The following PBRM1 variants were observed in gnomAD, a reference collection of about 807,000 sequenced individuals.
PBRM1 encodes the protein polybromo 1.
Under a neutral mutation model 194.5 loss-of-function variants are expected in PBRM1, and 27 were observed. That is an observed-to-expected ratio of 0.14 (90% CI 0.10 to 0.19). The LOEUF (loss-of-function observed/expected upper bound fraction) is 0.19. Ranked by LOEUF, PBRM1 falls within the 10% of genes least tolerant of loss-of-function variation. The pLI is 1.00. For missense variants in PBRM1, 1,466 were observed against 2,077.2 expected, an observed-to-expected ratio of 0.71 and a Z score of 5.72; for synonymous variants, 655 against 693.2, an observed-to-expected ratio of 0.94 and a Z score of 0.87.
chr3:52,685,872 C>A, upstream of PBRM1: 3 of 537,742 alleles, frequency 5.6e-6, no homozygotes, highest in South Asian at 6.7e-5. Context: ...CGGCACCCGC[C>A]GCCCTCACCT....
At chr3:52,556,928 GTT>G (rs199532939) in intron 26 of PBRM1, among the ~76,000 whole-genome samples, 11 of 138,052 alleles carry the variant, frequency 8.0e-5, no homozygotes, top group African/African-American at 2.1e-4. Flanking sequence ...TGCAGCTGCT[GTT>G]TTTTTTTTTT....
At chr3:52,626,227 AAG>A (rs1219419666) in intron 13 of PBRM1, among the ~76,000 whole-genome samples, 1 of 152,216 alleles carries the variant, frequency 6.6e-6, no homozygotes, top group Admixed American at 6.5e-5. Context: ...ACAAGGAATT[AAG>A]AACTTGGAAG....
chr3:52,665,370 C>A (rs1009950506), intron 3 of PBRM1, among the ~76,000 whole-genome samples: 1 of 151,780 alleles, frequency 6.6e-6, no homozygotes, highest in African/African-American at 2.4e-5. Flanking sequence ...TAGTACACTG[C>A]CTAGGCTGGT....
In PBRM1 at chr3:52,644,697, A is replaced by C; in HGVS notation, c.899+7T>G. The C allele has an allele frequency of 6.9e-7, 1 of 1,456,280 alleles. No individual in the cohort carries two copies. Among genetic ancestry groups the C allele is most frequent in the Non-Finnish European group, 9.6e-7 (1 of 1,042,836 alleles). The allele number at this position is 1,456,280 out of a possible 1,614,324, so 90.2% of individuals were successfully genotyped here. A position where few individuals can be genotyped will look rare whatever the true frequency, so the allele number is the denominator to read the frequency against. On this transcript the variant is annotated splice_region_variant and intron_variant, in intron 8 of 29. Transcript: ENST00000296302. The stretch of plus-strand genomic sequence containing the variant: ...CACGCCCAGCCTAGACATTTTCTTA[A>C]ACCTACCTCATTCGAAGACTTGACT...
intron 3 of PBRM1, among the ~76,000 whole-genome samples, chr3:52,662,736 G>C (rs2096750050): frequency 6.6e-6 from 1 of 150,426 alleles, no homozygotes; most frequent in East Asian, 2.0e-4. Flanking sequence ...TGAGGCAGGA[G>C]AATCACTTGA....
At chr3:52,574,789 G>A (rs1238319446) in intron 22 of PBRM1, among the ~76,000 whole-genome samples, 1 of 152,206 alleles carries the variant, frequency 6.6e-6, no homozygotes, top group Non-Finnish European at 1.5e-5. Context: ...AGTGAAGACT[G>A]GGAGTTTTAT....
At chr3:52,633,678 A>ATTG (rs1265179890) in intron 11 of PBRM1, among the ~76,000 whole-genome samples, 1 of 152,196 alleles carries the variant, frequency 6.6e-6, no homozygotes, top group Non-Finnish European at 1.5e-5. Flanking sequence ...AATTATTATT[A>ATTG]TTACTTTTTT....
chr3:52,576,407 C>G, intron 22 of PBRM1, 134 bp downstream of exon 24: 6 of 534,088 alleles, frequency 1.1e-5, no homozygotes, highest in Non-Finnish European at 1.9e-5. Flanking sequence ...AATCTCTGCC[C>G]CAACATAAGA....
At chr3:52,685,913 C>T, upstream of PBRM1, 1 of 654,040 alleles carries the variant, frequency 1.5e-6, no homozygotes, top group South Asian at 1.7e-5. Context: ...GCCGCAAAAC[C>T]AGTCCCGCGG....
At chr3:52,563,745 A>G (rs1323303174) in intron 23 of PBRM1, among the ~76,000 whole-genome samples, 1 of 151,034 alleles carries the variant, frequency 6.6e-6, no homozygotes, top group Non-Finnish European at 1.5e-5. Context: ...GCCTATACAC[A>G]GCAAAAAGAG....
intron 13 of PBRM1, among the ~76,000 whole-genome samples, chr3:52,624,003 T>C (rs781058455): frequency 7.9e-5 from 12 of 152,224 alleles, no homozygotes; most frequent in African/African-American, 1.4e-4. Context: ...CATAGCAATT[T>C]TACTGAGTGG....
chr3:52,650,486 C>G (rs191283981), intron 6 of PBRM1, among the ~76,000 whole-genome samples: 1 of 151,226 alleles, frequency 6.6e-6, no homozygotes, highest in East Asian at 2.0e-4. Flanking sequence ...CTTTACTACT[C>G]TCTTAGAGTT....
chr3:52,595,736 A>T (rs757180138), intron 17 of PBRM1, among the ~76,000 whole-genome samples: 26 of 152,274 alleles, frequency 1.7e-4, no homozygotes, highest in Non-Finnish European at 3.4e-4. Flanking sequence ...TACTCAAGAA[A>T]TTTTTGCCTA....
chr3:52,606,226 C>G (rs1485509134), intron 16 of PBRM1, among the ~76,000 whole-genome samples: 11 of 151,858 alleles, frequency 7.2e-5, no homozygotes, highest in Admixed American at 7.2e-4. Context: ...CCAGACTGGT[C>G]TCAAGCTCCT....
rs562647481 is a variant in PBRM1 at position 52,641,185 on chromosome 3, C to T, written c.1087+769G>A. Among the ~76,000 whole-genome samples the T allele has an allele frequency of 5.7e-4, 87 of 151,680 alleles. 1 individual carries two copies. The highest frequency in any genetic ancestry group is 3.4e-3 in the Middle Eastern group (1 of 292). On this transcript the variant is annotated intron_variant, in intron 10 of 29. Transcript: ENST00000296302. Reference sequence around the variant, plus strand: ...ATTCAATAATAAAATTGAGGCCAGGCGTGGTGTAATCCCAGCACATTCGGA... The same window carrying T: ...ATTCAATAATAAAATTGAGGCCAGGTGTGGTGTAATCCCAGCACATTCGGA...
At chr3:52,601,150 C>T (rs986202410) in intron 17 of PBRM1, among the ~76,000 whole-genome samples, 1 of 152,166 alleles carries the variant, frequency 6.6e-6, no homozygotes, top group African/African-American at 2.4e-5. Context: ...GTTCGTTGGG[C>T]AGGATACTTT....
At position 52,560,876 on chromosome 3, in the gene PBRM1, G is replaced by A. The variant is rs1444156594; in HGVS notation, c.4288+891C>T. Among the ~76,000 whole-genome samples the A allele has an allele frequency of 2.0e-5, 3 of 151,628 alleles. No individual in the cohort carries two copies. In the East Asian group the frequency reaches 5.8e-4, roughly 29 times the overall value. ...GACTTCAAAAATTTTAATAAAAGGG[G>A]CAGCCTAAATAATTAATGTTTGCCA... On this transcript the variant is annotated intron_variant, in intron 25 of 29. Coordinates refer to ENST00000296302, the Ensembl canonical transcript of PBRM1.
chr3:52,670,989 T>C (rs900501054), intron 2 of PBRM1, among the ~76,000 whole-genome samples: 1 of 152,254 alleles, frequency 6.6e-6, no homozygotes, highest in Admixed American at 6.5e-5. Context: ...TTAACATTCA[T>C]TCTTTTTCCA....
At chr3:52,623,775 G>C (rs1252917759) in intron 13 of PBRM1, among the ~76,000 whole-genome samples, 1 of 152,154 alleles carries the variant, frequency 6.6e-6, no homozygotes, top group Non-Finnish European at 1.5e-5. Context: ...GAGCTAATAA[G>C]AACAGCTGGG....
Sources: allele counts gnomAD v4.1 joint callset (sites outside exome capture counted in the v4.1 genomes callset), GRCh38; gene constraint gnomAD v4.1.1; transcripts MANE v1.5; gene names NCBI Gene and HGNC (gene_info 2026-07-23, HGNC 2026-07-21).